The following ECT2L variants were observed in gnomAD, a reference collection of about 807,000 sequenced individuals.
ECT2L encodes the protein epithelial cell-transforming sequence 2 oncogene-like.
Under a neutral mutation model 122.8 loss-of-function variants are expected in ECT2L, and 126 were observed. That is an observed-to-expected ratio of 1.03 (90% CI 0.89 to 1.19). The LOEUF is 1.19. Among genes scored for constraint, ECT2L ranks in the 50% most tolerant of loss-of-function variants. The pLI, the probability that ECT2L is intolerant of heterozygous loss-of-function variation, is 0.00. For synonymous variants in ECT2L, 385 were observed against 381.8 expected, an observed-to-expected ratio of 1.01 and a Z score of -0.10; for missense variants, 1,012 against 1,064.1, an observed-to-expected ratio of 0.95 and a Z score of 0.68.
At chr6:138,902,110 G>A (rs760189917) in intron 21 of ECT2L, among the ~76,000 whole-genome samples, 2 of 152,188 alleles carry the variant, frequency 1.3e-5, no homozygotes, top group Non-Finnish European at 2.9e-5. Flanking sequence ...ATTCAGCTAA[G>A]TAGCTGGCTT....
At position 138,885,751 on chromosome 6, in the gene ECT2L, C is replaced by T. The variant is rs199701983; in HGVS notation, c.2180C>T (p.Thr727Ile). Residue 727 changes from threonine to isoleucine, a missense_variant, in exon 18 of 22, where the codon ACC becomes ATC. Physicochemically the swap from Thr to Ile is moderately conservative, Grantham distance 89. Coordinates refer to ENST00000541398, the MANE Select transcript of ECT2L (RefSeq NM_001077706.3). ...CTTCTCTACGCTGTCAGGCTTCATA[C>T]CCCTGCAGAGCATGTTGACCGTGGG... ...LNLLYAVRLHTPAEHVDRGDL... is the reference protein window; with the variant it reads ...LNLLYAVRLHIPAEHVDRGDL... The T allele has an allele frequency of 7.9e-4, 1,282 of 1,614,182 alleles. 4 individuals are homozygous for T. The highest frequency in any genetic ancestry group is 8.7e-4 in the Non-Finnish European group (1,032 of 1,180,034).
At chr6:138,878,737 G>A (rs1431548398) in intron 14 of ECT2L, among the ~76,000 whole-genome samples, 9 of 152,162 alleles carry the variant, frequency 5.9e-5, no homozygotes, top group Admixed American at 1.3e-4. Context: ...ATGAGCCACC[G>A]CACGTGGCCA....
At chr6:138,862,537 T>C (rs1177880878) in intron 10 of ECT2L, 90 bp from the exon 11 acceptor site, 6 of 1,272,366 alleles carry the variant, frequency 4.7e-6, no homozygotes, top group Non-Finnish European at 6.8e-6. Flanking sequence ...GATTTCAACA[T>C]GAGATTTGGA....
intron 1 of ECT2L, among the ~76,000 whole-genome samples, chr6:138,803,456 T>C (rs773454533): frequency 5.9e-5 from 9 of 152,276 alleles, no homozygotes; most frequent in Middle Eastern, 3.4e-3. Flanking sequence ...CAGAGTATAA[T>C]AACAATTTTG....
intron 20 of ECT2L, among the ~76,000 whole-genome samples, chr6:138,896,618 T>G (rs900778499): frequency 3.3e-5 from 5 of 152,174 alleles, no homozygotes; most frequent in Non-Finnish European, 7.3e-5. Flanking sequence ...GCTGATGACC[T>G]GCTGTTGTCC....
intron 4 of ECT2L, among the ~76,000 whole-genome samples, chr6:138,835,832 T>G (rs1347845749): frequency 6.6e-6 from 1 of 152,200 alleles, no homozygotes; most frequent in Non-Finnish European, 1.5e-5. Context: ...CCCTTTTCCA[T>G]TTGGTCCAGA....
intron 4 of ECT2L, among the ~76,000 whole-genome samples, chr6:138,815,195 G>A (rs1348498033): frequency 6.6e-6 from 1 of 152,190 alleles, no homozygotes; most frequent in Non-Finnish European, 1.5e-5. Flanking sequence ...GGTCAGGAAT[G>A]AATACCCTAG....
chr6:138,846,714 T>G (rs777385750), intron 8 of ECT2L, 37 bp downstream of exon 8: 7 of 1,419,648 alleles, frequency 4.9e-6, no homozygotes, highest in Non-Finnish European at 6.5e-6. Context: ...GTCCTGATTG[T>G]TTTTTTGTTT....
Position 138,876,479 on chromosome 6 carries a change from ATGT to A in ECT2L, c.1590_1592del (p.Val531del), listed in dbSNP as rs776713837. 2 of 1,609,800 alleles carry A rather than the reference ATGT, an allele frequency of 1.2e-6. No homozygotes were observed. The highest frequency in any genetic ancestry group is 1.7e-6 in the Non-Finnish European group (2 of 1,177,064). ...TTTCCATTCAATCTTCAGGAAAGAA[ATGT>A]TGTAGAAGACAATTCTTGGGACACA... On this transcript the variant is annotated inframe_deletion, in exon 14 of 22. Coordinates refer to ENST00000541398, the MANE Select transcript of ECT2L (RefSeq NM_001077706.3).
At chr6:138,800,841 C>T (rs1359125095) in intron 1 of ECT2L, among the ~76,000 whole-genome samples, 1 of 152,188 alleles carries the variant, frequency 6.6e-6, no homozygotes, top group East Asian at 1.9e-4. Flanking sequence ...ATGTATTTCT[C>T]ACAGTTCTGG....
At chr6:138,834,562 C>G (rs918368370) in intron 4 of ECT2L, among the ~76,000 whole-genome samples, 2 of 152,046 alleles carry the variant, frequency 1.3e-5, no homozygotes, top group African/African-American at 4.8e-5. Flanking sequence ...ATACTGAGAC[C>G]CTTCTTTGGA....
At chr6:138,801,304 GC>G (rs1775535650) in intron 1 of ECT2L, among the ~76,000 whole-genome samples, 1 of 152,170 alleles carries the variant, frequency 6.6e-6, no homozygotes, top group Non-Finnish European at 1.5e-5. Context: ...TGGTCTATAT[GC>G]CTTATGTGAA....
At chr6:138,846,737 C>A in intron 8 of ECT2L, 60 bp downstream of exon 8, 2 of 1,393,660 alleles carry the variant, frequency 1.4e-6, no homozygotes, top group African/African-American at 2.9e-5. Flanking sequence ...TGTTTTTTTT[C>A]ATCTAGACTA....
Position 138,849,158 on chromosome 6 carries a change from T to C in ECT2L, c.904-111T>C, listed in dbSNP as rs2128392953. The C allele has an allele frequency of 4.5e-6, 5 of 1,115,976 alleles. 1 individual carries two copies. In the Middle Eastern group the frequency reaches 1.6e-3, roughly 367 times the overall value. The allele number at this position is 1,115,976 out of a possible 1,614,324, so 69.1% of individuals were successfully genotyped here. A position where few individuals can be genotyped will look rare whatever the true frequency, so the allele number is the denominator to read the frequency against. ...GAAGCTTATCTTCTTCCATAATCTCTGAAAATTCTTTAGAAATCACGGCGT... is the reference window on the plus strand; with the variant it reads ...GAAGCTTATCTTCTTCCATAATCTCCGAAAATTCTTTAGAAATCACGGCGT... On this transcript the variant is annotated intron_variant, in intron 8 of 21. Coordinates refer to ENST00000541398, the MANE Select transcript of ECT2L (RefSeq NM_001077706.3).
chr6:138,863,391 A>G (rs1777907945), intron 11 of ECT2L, among the ~76,000 whole-genome samples: 1 of 152,210 alleles, frequency 6.6e-6, no homozygotes, highest in Non-Finnish European at 1.5e-5. Flanking sequence ...AACTTGGGAA[A>G]GCTGGCACAA....
chr6:138,837,146 T>C (rs902458238), intron 4 of ECT2L, among the ~76,000 whole-genome samples: 3 of 152,210 alleles, frequency 2.0e-5, no homozygotes, highest in African/African-American at 7.2e-5. Flanking sequence ...TTCATTTATA[T>C]ACATATTTTA....
intron 1 of ECT2L, among the ~76,000 whole-genome samples, chr6:138,796,650 A>C (rs1174625168): frequency 6.6e-6 from 1 of 152,190 alleles, no homozygotes; most frequent in African/African-American, 2.4e-5. Context: ...TCTACTGTGA[A>C]TATAGGTCTT....
At chr6:138,869,823 C>G (rs765625570) in intron 13 of ECT2L, among the ~76,000 whole-genome samples, 2 of 152,172 alleles carry the variant, frequency 1.3e-5, no homozygotes, top group South Asian at 2.1e-4. Context: ...CTTCCTCCCC[C>G]TGAAAGACAA....
In ECT2L at chr6:138,814,351, T is replaced by C. The variant is rs1775999524; in HGVS notation, c.67-140T>C. On this transcript the variant is annotated intron_variant, in intron 3 of 21. Transcript: ENST00000541398. ...CTGAAAGGAGAGACCTTTCTCTCTA[T>C]ATGTGAAAGCGCTCTGTGAACTGTA... 1.3e-5 allele frequency: 6 copies of C among 452,494 alleles called. No homozygotes were observed. The South Asian group carries it at 3.5e-4, about 26-fold the overall frequency. The allele number at this position is 452,494 out of a possible 1,614,324, so 28.0% of individuals were successfully genotyped here.
Sources: gnomAD v4.1 joint callset for allele counts (sites outside exome capture counted in the v4.1 genomes callset) on GRCh38, gnomAD v4.1.1 for gene constraint, MANE v1.5 for transcripts, NCBI Gene and HGNC (gene_info 2026-07-23, HGNC 2026-07-21) for gene names.